Variants in SCAI observed in about 807,000 individuals in gnomAD.
SCAI encodes the protein protein SCAI.
In SCAI, 24 loss-of-function variants were observed where a neutral mutation model predicts 92.2. That is an observed-to-expected ratio of 0.26 (90% CI 0.19 to 0.37). SCAI has a LOEUF of 0.37. Among genes scored for constraint, SCAI ranks in the 10% least tolerant of loss-of-function variants. The probability of loss-of-function intolerance (pLI) is 1.00; values close to 1 mark genes in which losing one functional copy is unlikely to be tolerated. For missense variants in SCAI, 450 were observed against 736.2 expected (o/e 0.61, Z 4.50); for synonymous variants, 261 against 258.6 (o/e 1.01, Z -0.09).
At chr9:124,956,294 C>T (rs1219251851) in intron 17 of SCAI, among the ~76,000 whole-genome samples, 2 of 152,156 alleles carry the variant, frequency 1.3e-5, no homozygotes, top group Non-Finnish European at 2.9e-5. Context: ...TCTTGGCTCA[C>T]CACAACTTCC....
At chr9:124,984,868 C>A (rs955594546) in intron 14 of SCAI, among the ~76,000 whole-genome samples, 1 of 152,114 alleles carries the variant, frequency 6.6e-6, no homozygotes, top group Non-Finnish European at 1.5e-5. Context: ...TGGAAAAGAA[C>A]AAGGACTGAA....
At chr9:125,139,703 T>C (rs1453627175) in intron 2 of SCAI, among the ~76,000 whole-genome samples, 2 of 152,232 alleles carry the variant, frequency 1.3e-5, no homozygotes, top group South Asian at 2.1e-4. Context: ...CAATAAGCAA[T>C]GAGGAAGCAC....
chr9:125,036,994 T>A (rs1460083504), intron 3 of SCAI, among the ~76,000 whole-genome samples: 1 of 151,978 alleles, frequency 6.6e-6, no homozygotes, highest in African/African-American at 2.4e-5. Flanking sequence ...GCAGGCCAGG[T>A]GCAGTGGCTC....
chr9:125,081,775 A>G (rs750966602), intron 2 of SCAI, among the ~76,000 whole-genome samples: 5 of 151,836 alleles, frequency 3.3e-5, no homozygotes, highest in Non-Finnish European at 7.4e-5. Context: ...GAGGTTCACC[A>G]TGTTGCCCAG....
intron 15 of SCAI, among the ~76,000 whole-genome samples, chr9:124,972,149 T>C (rs1010325177): frequency 2.0e-5 from 3 of 152,238 alleles, no homozygotes; most frequent in Non-Finnish European, 1.5e-5. Flanking sequence ...GTTATCTTGA[T>C]AGAATTCTCT....
intron 14 of SCAI, among the ~76,000 whole-genome samples, chr9:124,990,024 A>G (rs969682445): frequency 1.3e-5 from 2 of 150,084 alleles, no homozygotes; most frequent in African/African-American, 4.9e-5. Flanking sequence ...AAAATACAAA[A>G]TTAGCCAGGT....
chr9:125,025,367 T>C (rs1484522626), intron 6 of SCAI, among the ~76,000 whole-genome samples: 1 of 152,258 alleles, frequency 6.6e-6, no homozygotes, highest in Non-Finnish European at 1.5e-5. Context: ...CATAAAATTA[T>C]GGCAATAAAT....
intron 1 of SCAI, 69 bp from the exon 2 acceptor site, chr9:125,142,746 G>C: frequency 2.1e-6 from 3 of 1,414,570 alleles, no homozygotes; most frequent in Non-Finnish European, 3.0e-6. Flanking sequence ...GCGCTACCGT[G>C]CCAGTCAAGA....
chr9:124,998,542 A>C (rs1832292614), intron 13 of SCAI, among the ~76,000 whole-genome samples: 1 of 152,254 alleles, frequency 6.6e-6, no homozygotes, highest in African/African-American at 2.4e-5. Flanking sequence ...AGATTAAAAA[A>C]TTACAGCTAG....
chr9:125,063,254 C>T (rs1378052078), intron 2 of SCAI, among the ~76,000 whole-genome samples: 1 of 150,830 alleles, frequency 6.6e-6, no homozygotes, highest in Non-Finnish European at 1.5e-5. Context: ...ATTAAAAATA[C>T]AAAAATTAGA....
intron 2 of SCAI, among the ~76,000 whole-genome samples, chr9:125,130,779 G>A (rs761390851): frequency 3.3e-5 from 5 of 150,988 alleles, no homozygotes; most frequent in African/African-American, 4.9e-5. Flanking sequence ...CACTGTGCCC[G>A]GCCAAGACTG....
At chr9:124,978,888 T>C (rs1416624358) in intron 14 of SCAI, among the ~76,000 whole-genome samples, 1 of 151,862 alleles carries the variant, frequency 6.6e-6, no homozygotes, top group African/African-American at 2.4e-5. Context: ...TTTGAAACAG[T>C]TTCGCTCTGT....
chr9:124,968,346 A>G (rs1831581058), intron 17 of SCAI: 1 of 1,210,148 alleles, frequency 8.3e-7, no homozygotes, highest in Non-Finnish European at 1.2e-6. Flanking sequence ...TTTGGTTTTT[A>G]AGGCTTTAGT....
At chr9:125,099,567 C>A (rs553783336) in intron 2 of SCAI, among the ~76,000 whole-genome samples, 2 of 152,308 alleles carry the variant, frequency 1.3e-5, no homozygotes, top group South Asian at 2.1e-4. Flanking sequence ...CAGACGGCAG[C>A]TTTTCATCCT....
intron 2 of SCAI, among the ~76,000 whole-genome samples, chr9:125,062,499 T>C (rs1380211965): frequency 1.4e-5 from 2 of 147,996 alleles, no homozygotes; most frequent in Non-Finnish European, 3.0e-5. Flanking sequence ...GCCTGTAATC[T>C]CAGCACTTTG....
chr9:125,016,142 G>C (rs1371616094), intron 9 of SCAI, among the ~76,000 whole-genome samples: 1 of 148,104 alleles, frequency 6.8e-6, no homozygotes, highest in Non-Finnish European at 1.5e-5. Context: ...TAACTAACCT[G>C]AACATTGTGC....
chr9:125,045,394 T>C (rs1279046892), intron 3 of SCAI, among the ~76,000 whole-genome samples: 1 of 152,138 alleles, frequency 6.6e-6, no homozygotes, highest in Non-Finnish European at 1.5e-5. Context: ...TCTATAGAGA[T>C]GAGGTCTCAC....
intron 14 of SCAI, among the ~76,000 whole-genome samples, chr9:124,977,630 T>C (rs1204667715): frequency 6.6e-6 from 1 of 152,146 alleles, no homozygotes; most frequent in Non-Finnish European, 1.5e-5. Flanking sequence ...GCTCTGATTG[T>C]GCCACTGCAC....
intron 3 of SCAI, among the ~76,000 whole-genome samples, chr9:125,041,021 G>A (rs1273554964): frequency 6.6e-6 from 1 of 152,114 alleles, no homozygotes; most frequent in Non-Finnish European, 1.5e-5. Context: ...AATTTCTGTA[G>A]GTGGAAGTGA....
Sources: allele counts gnomAD v4.1 joint callset (sites outside exome capture counted in the v4.1 genomes callset), GRCh38; gene constraint gnomAD v4.1.1; transcripts MANE v1.5; gene names NCBI Gene and HGNC (gene_info 2026-07-23, HGNC 2026-07-21).